EDN1: variants seen among roughly 807,000 people sequenced by gnomAD.
The protein encoded by EDN1 is endothelin 1, also known as endothelin-1.
Under a neutral mutation model 21.7 loss-of-function variants are expected in EDN1, and 11 were observed. The observed-to-expected ratio is 0.51, with a 90% confidence interval of 0.32 to 0.84. EDN1 has a LOEUF of 0.84. Ranked by LOEUF, EDN1 falls within the 40% of genes least tolerant of loss-of-function variation. The pLI, the probability that EDN1 is intolerant of heterozygous loss-of-function variation, is 0.03. For synonymous variants in EDN1, 85 were observed against 90.6 expected (o/e 0.94, Z 0.35); for missense variants, 244 against 262.3 (o/e 0.93, Z 0.48).
chr6:12,275,340 G>A, the EDN1 span, among the ~76,000 whole-genome samples: 1 of 152,148 alleles, frequency 6.6e-6, no homozygotes, highest in African/African-American at 2.4e-5. Context: ...GGCAGGAGAG[G>A]GATGTGATAG....
At chr6:12,292,283 G>A in intron 1 of EDN1, 58 bp from the exon 2 acceptor site, 2 of 1,606,640 alleles carry the variant, frequency 1.2e-6, no homozygotes, top group Admixed American at 3.3e-5. Flanking sequence ...CTGTGATCCA[G>A]CATGTCTCTC....
chr6:12,287,688 CCTCTCTCT>C (rs757039157), upstream of EDN1, among the ~76,000 whole-genome samples: 1 of 112,604 alleles, frequency 8.9e-6, no homozygotes, highest in East Asian at 2.7e-4. Context: ...TCTCTCTCTC[CCTCTCTCT>C]CTCTCTCTCT....
At chr6:12,267,943 G>T in the EDN1 span, among the ~76,000 whole-genome samples, 1 of 152,156 alleles carries the variant, frequency 6.6e-6, no homozygotes, top group Non-Finnish European at 1.5e-5. Flanking sequence ...GCTAAAAGCT[G>T]CTCTTCTTGT....
intron 1 of EDN1, among the ~76,000 whole-genome samples, chr6:12,291,802 A>G (rs1488615199): frequency 2.0e-5 from 3 of 152,126 alleles, no homozygotes; most frequent in Admixed American, 6.5e-5. Flanking sequence ...TTCCCCACCT[A>G]ATTTTGAAAG....
At chr6:12,258,472 G>T in the EDN1 span, among the ~76,000 whole-genome samples, 2 of 56,592 alleles carry the variant, frequency 3.5e-5, no homozygotes, top group East Asian at 7.0e-4. Context: ...AAAAAAAAAA[G>T]CCAATTACAT....
the EDN1 span, among the ~76,000 whole-genome samples, chr6:12,271,254 C>A: frequency 1.3e-5 from 2 of 152,112 alleles, no homozygotes; most frequent in African/African-American, 4.8e-5. Flanking sequence ...TATCTTCTGT[C>A]TCTTTCTTCC....
Position 12,295,954 on chromosome 6 carries a change from T to C in EDN1, c.534-8T>C, listed in dbSNP as rs781732466. On this transcript the variant is annotated splice_polypyrimidine_tract_variant and splice_region_variant and intron_variant, in intron 4 of 4. Coordinates refer to ENST00000379375, the MANE Select transcript of EDN1 (RefSeq NM_001955.5). ...TAACATTTGTTTTCTCTTATCTTGCTTTATTAGGTCGGAGACCATGAGAAA... is the reference window on the plus strand; with the variant it reads ...TAACATTTGTTTTCTCTTATCTTGCCTTATTAGGTCGGAGACCATGAGAAA... 6.2e-7 allele frequency: 1 copy of C among 1,613,438 alleles called. No homozygotes were observed. Among genetic ancestry groups the C allele is most frequent in the South Asian group, 1.1e-5 (1 of 91,052 alleles).
At chr6:12,253,480 T>C in the EDN1 span, among the ~76,000 whole-genome samples, 2 of 152,010 alleles carry the variant, frequency 1.3e-5, no homozygotes, top group East Asian at 3.9e-4. Flanking sequence ...CAAGTCTTAA[T>C]AGCAAAAACT....
the EDN1 span, among the ~76,000 whole-genome samples, chr6:12,232,493 G>A: frequency 9.2e-5 from 14 of 152,024 alleles, no homozygotes; most frequent in Admixed American, 3.3e-4. Flanking sequence ...CAAATGCAGC[G>A]CTCCCCCAAA....
At chr6:12,236,549 C>T in the EDN1 span, among the ~76,000 whole-genome samples, 8 of 152,032 alleles carry the variant, frequency 5.3e-5, no homozygotes, top group East Asian at 5.8e-4. Flanking sequence ...CGTGAGCCAC[C>T]GTGCCTGGCC....
intron 1 of EDN1, 67 bp downstream of exon 1, chr6:12,290,760 C>T (rs1175836734): frequency 1.5e-6 from 2 of 1,355,486 alleles, no homozygotes; most frequent in Admixed American, 1.7e-5. Context: ...CACCTTCATG[C>T]TTTTCTTGCT....
the EDN1 span, among the ~76,000 whole-genome samples, chr6:12,239,246 G>GT: frequency 9.8e-5 from 15 of 152,290 alleles, no homozygotes; most frequent in African/African-American, 3.4e-4. Context: ...ACTCTCCATA[G>GT]TAATTGTCTG....
At chr6:12,246,127 G>T in the EDN1 span, among the ~76,000 whole-genome samples, 2 of 152,096 alleles carry the variant, frequency 1.3e-5, no homozygotes. Context: ...AATGCTCTCA[G>T]CCTCTTCCTT....
the EDN1 span, among the ~76,000 whole-genome samples, chr6:12,235,660 T>C: frequency 6.6e-6 from 1 of 152,218 alleles, no homozygotes; most frequent in African/African-American, 2.4e-5. Flanking sequence ...TTTTAACAGA[T>C]AATCTGTACT....
the EDN1 span, among the ~76,000 whole-genome samples, chr6:12,257,018 CG>C: frequency 7.0e-6 from 1 of 142,744 alleles, no homozygotes; most frequent in African/African-American, 2.6e-5. Flanking sequence ...AATGACATAT[CG>C]ATATAATGAA....
chr6:12,231,817 C>T, the EDN1 span, among the ~76,000 whole-genome samples: 1 of 151,702 alleles, frequency 6.6e-6, no homozygotes, highest in Non-Finnish European at 1.5e-5. Flanking sequence ...GCTTCCATCT[C>T]TTGTATAAAT....
At chr6:12,280,886 C>G in the EDN1 span, among the ~76,000 whole-genome samples, 1 of 152,132 alleles carries the variant, frequency 6.6e-6, no homozygotes, top group Non-Finnish European at 1.5e-5. Flanking sequence ...GAGCAAGACT[C>G]CATCTCAAAA....
At chr6:12,237,664 G>T in the EDN1 span, among the ~76,000 whole-genome samples, 1 of 152,068 alleles carries the variant, frequency 6.6e-6, no homozygotes, top group African/African-American at 2.4e-5. Context: ...CTACTCCGGG[G>T]CTGCCTGTGC....
the EDN1 span, among the ~76,000 whole-genome samples, chr6:12,230,522 C>T: frequency 0.54 from 82,019 of 151,900 alleles, 22,322 homozygotes; most frequent in East Asian, 0.73. Flanking sequence ...CACCAGGCAG[C>T]GCTGTGCTCA....
Sources: allele counts gnomAD v4.1 joint callset (sites outside exome capture counted in the v4.1 genomes callset), GRCh38; gene constraint gnomAD v4.1.1; transcripts MANE v1.5; gene names NCBI Gene and HGNC (gene_info 2026-07-23, HGNC 2026-07-21).